MCTP2: variants seen among roughly 807,000 people sequenced by gnomAD.
MCTP2 encodes multiple C2 and transmembrane domain-containing protein 2.
Under a neutral mutation model 111.6 loss-of-function variants are expected in MCTP2, and 132 were observed. That is an observed-to-expected ratio of 1.18 (90% CI 1.03 to 1.37). The LOEUF is 1.37. MCTP2 is among the 40% of genes most tolerant of loss of function. MCTP2 has a pLI of 0.00. For missense variants in MCTP2, 1,183 were observed against 1,067.9 expected (o/e 1.11, Z -1.50); for synonymous variants, 395 against 387.7 (o/e 1.02, Z -0.22).
chr15:94,375,317 G>T (rs2079706622), intron 12 of MCTP2, among the ~76,000 whole-genome samples: 2 of 152,080 alleles, frequency 1.3e-5, no homozygotes, highest in Admixed American at 1.3e-4. Flanking sequence ...CCACCATTGG[G>T]GATTACACCT....
intron 8 of MCTP2, among the ~76,000 whole-genome samples, chr15:94,351,746 A>C (rs1326012669): frequency 6.6e-6 from 1 of 152,196 alleles, no homozygotes; most frequent in East Asian, 1.9e-4. Flanking sequence ...GTTATATGCA[A>C]GAGAGTATTT....
chr15:94,244,239 CGTGTAT>C (rs1567257784), intron 1 of MCTP2, among the ~76,000 whole-genome samples: 12 of 111,976 alleles, frequency 1.1e-4, no homozygotes, highest in Non-Finnish European at 2.0e-4. Context: ...TTTATATACA[CGTGTAT>C]ACACATATGT....
At chr15:94,437,433 T>C (rs181477081) in intron 17 of MCTP2, among the ~76,000 whole-genome samples, 9 of 152,102 alleles carry the variant, frequency 5.9e-5, no homozygotes, top group African/African-American at 1.9e-4. Context: ...TTTATAATAG[T>C]GTTAAACTCC....
intron 1 of MCTP2, among the ~76,000 whole-genome samples, chr15:94,291,349 TC>T (rs2075021470): frequency 6.6e-6 from 1 of 152,210 alleles, no homozygotes; most frequent in South Asian, 2.1e-4. Context: ...ACACCTGTAA[TC>T]CCAGTGCTTT....
chr15:94,294,565 A>G (rs1270885846), intron 1 of MCTP2, among the ~76,000 whole-genome samples: 1 of 152,218 alleles, frequency 6.6e-6, no homozygotes, highest in Admixed American at 6.5e-5. Context: ...AGTGTAGTGC[A>G]TGGAGAAGAT....
At chr15:94,471,310 G>A (rs918318108) in intron 21 of MCTP2, among the ~76,000 whole-genome samples, 1 of 152,206 alleles carries the variant, frequency 6.6e-6, no homozygotes, top group Non-Finnish European at 1.5e-5. Context: ...ATGTTAAGAT[G>A]TTTGGGGAAA....
intron 2 of MCTP2, among the ~76,000 whole-genome samples, chr15:94,303,559 C>T (rs542597735): frequency 1.7e-4 from 26 of 152,238 alleles, no homozygotes; most frequent in Non-Finnish European, 3.4e-4. Flanking sequence ...TCAGTATTAA[C>T]TATCACACTC....
chr15:94,243,561 G>A (rs1442425315), intron 1 of MCTP2, among the ~76,000 whole-genome samples: 4 of 147,320 alleles, frequency 2.7e-5, no homozygotes, highest in African/African-American at 7.6e-5. Context: ...GCGTATATGC[G>A]TATGTACATA....
chr15:94,299,113 G>A (rs1181147536), intron 2 of MCTP2, among the ~76,000 whole-genome samples: 1 of 142,332 alleles, frequency 7.0e-6, no homozygotes, highest in African/African-American at 2.6e-5. Context: ...TGGGGAGAAT[G>A]TTGTTTACAA....
intron 1 of MCTP2, among the ~76,000 whole-genome samples, chr15:94,277,991 TAAATCTA>T (rs1375987057): frequency 6.6e-6 from 1 of 152,190 alleles, no homozygotes; most frequent in Non-Finnish European, 1.5e-5. Flanking sequence ...GATGTCTTTG[TAAATCTA>T]AAACTGCTCT....
chr15:94,363,833 T>C (rs7171661), intron 10 of MCTP2, among the ~76,000 whole-genome samples: 20,848 of 152,106 alleles, frequency 0.14, 1,701 homozygotes, highest in African/African-American at 0.19. Flanking sequence ...ACATTTAGTC[T>C]CCTTGTGTGT....
intron 8 of MCTP2, among the ~76,000 whole-genome samples, chr15:94,355,348 C>T (rs1360213621): frequency 1.3e-5 from 2 of 152,182 alleles, no homozygotes; most frequent in East Asian, 3.9e-4. Flanking sequence ...ATACTCTTCT[C>T]TTTACCTTTG....
chr15:94,263,910 A>G (rs1046934372), intron 1 of MCTP2, among the ~76,000 whole-genome samples: 1 of 152,218 alleles, frequency 6.6e-6, no homozygotes, highest in Admixed American at 6.5e-5. Context: ...TAAGGCTTTC[A>G]AATTGTCAGC....
chr15:94,322,508 A>T (rs1336321673), intron 4 of MCTP2, among the ~76,000 whole-genome samples: 2 of 152,224 alleles, frequency 1.3e-5, no homozygotes, highest in Non-Finnish European at 2.9e-5. Context: ...GACAATAAAC[A>T]AATGAACATA....
Position 94,298,275 on chromosome 15 carries a change from G to C in MCTP2, c.10G>C (p.Asp4His). 3 of 1,610,932 alleles carry C rather than the reference G, an allele frequency of 1.9e-6. No homozygotes were observed. Among genetic ancestry groups the C allele is most frequent in the Middle Eastern group, 3.3e-4 (2 of 6,040 alleles). The change falls in exon 2 of 23, where the codon GAT (aspartate) becomes CAT (histidine). Residue 4 changes from aspartate to histidine, a missense_variant. Transcript: ENST00000357742. MDLDKPSVWGSLKQ... is the reference protein window; with the variant it reads MDLHKPSVWGSLKQ... ...GGGTCTTCATGCAGCCATGGATCTG[G>C]ATAAACCATCTGTTTGGGGCTCATT...
chr15:94,289,475 C>T (rs554520359), intron 1 of MCTP2, among the ~76,000 whole-genome samples: 1 of 152,138 alleles, frequency 6.6e-6, no homozygotes, highest in East Asian at 1.9e-4. Flanking sequence ...AGAAGGCCTT[C>T]TTAAACAGAT....
At chr15:94,455,943 A>C (rs1291843291) in intron 19 of MCTP2, among the ~76,000 whole-genome samples, 1 of 152,228 alleles carries the variant, frequency 6.6e-6, no homozygotes, top group Non-Finnish European at 1.5e-5. Flanking sequence ...ACAAATAATC[A>C]TTCTTCGTGT....
At chr15:94,329,742 C>T (rs896671829) in intron 4 of MCTP2, among the ~76,000 whole-genome samples, 3 of 152,190 alleles carry the variant, frequency 2.0e-5, no homozygotes, top group African/African-American at 7.2e-5. Context: ...AACCATATCA[C>T]ATAGTGAAAT....
intron 14 of MCTP2, among the ~76,000 whole-genome samples, chr15:94,390,106 A>ATGCATATG (rs1567603348): frequency 0.012 from 356 of 29,996 alleles, 11 homozygotes; most frequent in African/African-American, 0.03. Flanking sequence ...ATATATATAT[A>ATGCATATG]TATATATGTA....
Sources: gnomAD v4.1 joint callset for allele counts (sites outside exome capture counted in the v4.1 genomes callset) on GRCh38, gnomAD v4.1.1 for gene constraint, MANE v1.5 for transcripts, NCBI Gene and HGNC (gene_info 2026-07-23, HGNC 2026-07-21) for gene names.